The following ANO5 variants were observed in gnomAD, a reference collection of about 807,000 sequenced individuals.
ANO5 encodes anoctamin 5, also known as anoctamin-5.
Under a neutral mutation model 121.0 loss-of-function variants are expected in ANO5, and 109 were observed. That is an observed-to-expected ratio of 0.90 (90% CI 0.77 to 1.06). ANO5 has a LOEUF of 1.06. Among genes scored for constraint, ANO5 ranks in the 50% least tolerant of loss-of-function variants. ANO5 has a pLI of 0.00. For synonymous variants in ANO5, 406 were observed against 359.9 expected (o/e 1.13, Z -1.45); for missense variants, 1,064 against 1,078.5 (o/e 0.99, Z 0.19).
At chr11:22,220,539 G>A (rs995047276) in intron 4 of ANO5, among the ~76,000 whole-genome samples, 5 of 152,126 alleles carry the variant, frequency 3.3e-5, no homozygotes, top group African/African-American at 1.2e-4. Context: ...AGGGCGAGTT[G>A]CATGAAACCT....
chr11:22,247,474 C>A (rs1212396062), intron 9 of ANO5, among the ~76,000 whole-genome samples: 2 of 152,126 alleles, frequency 1.3e-5, no homozygotes, highest in South Asian at 2.1e-4. Flanking sequence ...TTTTGGAGGT[C>A]TTTTCAAGGC....
At chr11:22,251,983 T>C (rs1382949065) in intron 12 of ANO5, among the ~76,000 whole-genome samples, 3 of 128,526 alleles carry the variant, frequency 2.3e-5, no homozygotes, top group Admixed American at 2.1e-4. Flanking sequence ...TGAGCCGAGA[T>C]TGTGCCACTG....
intron 9 of ANO5, among the ~76,000 whole-genome samples, chr11:22,248,009 G>A (rs781722522): frequency 6.6e-6 from 1 of 152,020 alleles, no homozygotes; most frequent in Non-Finnish European, 1.5e-5. Context: ...TACAATGTGA[G>A]GATAATACTG....
rs1159160659 is a variant in ANO5 at position 22,276,748 on chromosome 11, G to GT, written c.2520+550dup. Among the ~76,000 whole-genome samples, 7 of 150,790 alleles carry GT rather than the reference G, an allele frequency of 4.6e-5. No homozygotes were observed. In the East Asian group the frequency reaches 1.4e-3, roughly 29 times the overall value. The stretch of plus-strand genomic sequence containing the variant: ...ATAGAGATAAGGCCTGCAAGAAAAG[G>GT]TAAACAATACAGAGGCAGTATTGGG... On this transcript the variant is annotated intron_variant, in intron 21 of 21. Transcript: ENST00000324559.
At chr11:22,222,738 A>T (rs924037883) in intron 5 of ANO5, among the ~76,000 whole-genome samples, 3 of 143,830 alleles carry the variant, frequency 2.1e-5, no homozygotes, top group Non-Finnish European at 4.6e-5. Flanking sequence ...TACCTACTAA[A>T]TGCCAGCACA....
intron 19 of ANO5, among the ~76,000 whole-genome samples, 158 bp downstream of exon 19, chr11:22,273,147 CTA>C (rs1478169836): frequency 1.3e-5 from 2 of 151,990 alleles, no homozygotes; most frequent in African/African-American, 2.4e-5. Flanking sequence ...ATAGAAAAAC[CTA>C]TGTCATGCAA....
At chr11:22,227,827 G>T (rs1257648820) in intron 7 of ANO5, among the ~76,000 whole-genome samples, 1 of 152,062 alleles carries the variant, frequency 6.6e-6, no homozygotes, top group Non-Finnish European at 1.5e-5. Context: ...TAAAGAAAGA[G>T]ATGTTATACA....
intron 5 of ANO5, among the ~76,000 whole-genome samples, chr11:22,224,310 C>T (rs1297998714): frequency 6.6e-6 from 1 of 151,890 alleles, no homozygotes; most frequent in African/African-American, 2.4e-5. Context: ...ATTTCTCTTC[C>T]AACTGTGCAT....
In ANO5 at chr11:22,193,136, C is replaced by G; in HGVS notation, c.-357C>G. 9.1e-7 allele frequency: 1 copy of G among 1,102,138 alleles called. No homozygotes were observed. Among genetic ancestry groups the G allele is most frequent in the Non-Finnish European group, 1.1e-6 (1 of 899,266 alleles). The allele number at this position is 1,102,138 out of a possible 1,614,324, so 68.3% of individuals were successfully genotyped here. ...GGAGTGGCGGCTGCGGGATCAGCTG[C>G]CGAGCAGGCACAGGGACAGGTGCCT... On this transcript the variant is annotated 5_prime_UTR_variant, in exon 1 of 22. Coordinates refer to ENST00000324559, the MANE Select transcript of ANO5 (RefSeq NM_213599.3).
At position 22,281,700 on chromosome 11, in the gene ANO5, T is replaced by C. The variant is rs1047186849; in HGVS notation, c.*1935T>C. ...GTTTCTTGAATATAAGCTTTAATTT[T>C]TAAGGCTTAAAAGTATTCATAGAGG... On this transcript the variant is annotated 3_prime_UTR_variant, in exon 22 of 22. Coordinates refer to ENST00000324559, the MANE Select transcript of ANO5 (RefSeq NM_213599.3). The C allele has an allele frequency of 3.3e-5, 5 of 152,068 alleles. No homozygotes were observed. Among genetic ancestry groups the C allele is most frequent in the East Asian group, 1.9e-4 (1 of 5,190 alleles). The allele number at this position is 152,068 out of a possible 1,614,324, so 9.4% of individuals were successfully genotyped here. A position where few individuals can be genotyped will look rare whatever the true frequency, so the allele number is the denominator to read the frequency against.
intron 19 of ANO5, 127 bp from the exon 20 acceptor site, chr11:22,274,442 T>C (rs1050847191): frequency 1.7e-5 from 15 of 881,260 alleles, no homozygotes; most frequent in Non-Finnish European, 2.3e-5. Context: ...CATATTACTA[T>C]GATTTATAAT....
chr11:22,252,051 A>AC (rs1564937237), intron 12 of ANO5, among the ~76,000 whole-genome samples: 4 of 138,690 alleles, frequency 2.9e-5, no homozygotes, highest in African/African-American at 1.2e-4. Flanking sequence ...AAAAAAAAAA[A>AC]AAAAAAAACT....
At chr11:22,273,885 A>C (rs769596931) in intron 19 of ANO5, among the ~76,000 whole-genome samples, 5 of 152,228 alleles carry the variant, frequency 3.3e-5, no homozygotes, top group Admixed American at 1.3e-4. Context: ...AGATCTATTC[A>C]GTGAGTAATA....
intron 15 of ANO5, among the ~76,000 whole-genome samples, chr11:22,260,730 A>G (rs193148342): frequency 1.3e-5 from 2 of 152,314 alleles, no homozygotes; most frequent in East Asian, 1.9e-4. Context: ...ATAATTTGTG[A>G]TACTCTTCCA....
chr11:22,232,694 T>A (rs2133633633), intron 7 of ANO5, among the ~76,000 whole-genome samples: 1 of 152,134 alleles, frequency 6.6e-6, no homozygotes, highest in South Asian at 2.1e-4. Context: ...GTAAGTCAAT[T>A]TTTTTCTCTC....
rs11026476 is a variant in ANO5 at position 22,250,927 on chromosome 11, A to T, written c.1120-24A>T. The T allele has an allele frequency of 0.03, 47,823 of 1,609,586 alleles. 886 individuals carry two copies. Among genetic ancestry groups the T allele is most frequent in the Non-Finnish European group, 0.037 (43,181 of 1,176,386 alleles). Reference sequence around the variant, plus strand: ...CATTTAGTACTAAATTATCTTTGTGATATTGTTATTGTTATTTTTACAGTT... The same window carrying T: ...CATTTAGTACTAAATTATCTTTGTGTTATTGTTATTGTTATTTTTACAGTT... On this transcript the variant is annotated intron_variant, in intron 11 of 21. Transcript: ENST00000324559.
At chr11:22,273,713 A>G (rs1854717681) in intron 19 of ANO5, among the ~76,000 whole-genome samples, 1 of 152,160 alleles carries the variant, frequency 6.6e-6, no homozygotes, top group South Asian at 2.1e-4. Flanking sequence ...TTAGAAAACA[A>G]AAAGCAGTAT....
At chr11:22,271,957 G>A (rs1854632162) in intron 18 of ANO5, among the ~76,000 whole-genome samples, 1 of 152,136 alleles carries the variant, frequency 6.6e-6, no homozygotes, top group East Asian at 1.9e-4. Context: ...TCAGTCAGAT[G>A]AGAGATGCTA....
chr11:22,253,144 A>T (rs1853882490), intron 12 of ANO5, among the ~76,000 whole-genome samples: 1 of 152,130 alleles, frequency 6.6e-6, no homozygotes, highest in African/African-American at 2.4e-5. Flanking sequence ...CTTAGGCACA[A>T]TCTATAAGGC....
Sources: allele counts gnomAD v4.1 joint callset (sites outside exome capture counted in the v4.1 genomes callset), GRCh38; gene constraint gnomAD v4.1.1; transcripts MANE v1.5; gene names NCBI Gene and HGNC (gene_info 2026-07-23, HGNC 2026-07-21).